The following CTNNA3 variants were observed in gnomAD, a reference collection of about 807,000 sequenced individuals.
CTNNA3 encodes catenin alpha 3.
A neutral mutation model predicts 95.7 loss-of-function variants in CTNNA3; 76 were observed. The ratio of observed to expected loss-of-function variants is 0.79; its 90% CI spans 0.66 to 0.96. CTNNA3 has a LOEUF of 0.96. CTNNA3 is among the 40% of genes least tolerant of loss of function. The pLI, the probability that CTNNA3 is intolerant of heterozygous loss-of-function variation, is 0.00. For synonymous variants in CTNNA3, 431 were observed against 374.4 expected (o/e 1.15, Z -1.74); for missense variants, 1,191 against 1,089.8 (o/e 1.09, Z -1.31).
intron 6 of CTNNA3, among the ~76,000 whole-genome samples, chr10:67,209,053 G>A (rs1463979036): frequency 6.6e-6 from 1 of 151,852 alleles, no homozygotes; most frequent in Non-Finnish European, 1.5e-5. Context: ...TTTTGTTGTT[G>A]TTGTTGTTGT....
chr10:67,141,303 AT>A (rs57772222), intron 7 of CTNNA3, among the ~76,000 whole-genome samples: 8 of 151,110 alleles, frequency 5.3e-5, no homozygotes, highest in South Asian at 2.1e-4. Context: ...GCACTCTAAG[AT>A]TTTTTTTTTA....
In CTNNA3 at chr10:66,443,545, C is replaced by T. The variant is rs117773711; in HGVS notation, c.1532-64193G>A. ...CACTGCTGTTCTGCAGCCACCACGG[C>T]TGACACCCAGGCAAAAAGGGTCTGG... On this transcript the variant is annotated intron_variant, in intron 11 of 17. Coordinates refer to ENST00000433211, the MANE Select transcript of CTNNA3 (RefSeq NM_013266.4). Among the ~76,000 whole-genome samples, 1,986 of 152,288 alleles carry T rather than the reference C, an allele frequency of 0.013. 176 individuals carry two copies. In the East Asian group the frequency reaches 0.24, roughly 18 times the overall value.
chr10:66,613,944 T>C (rs1046807895), intron 10 of CTNNA3, among the ~76,000 whole-genome samples: 2 of 152,082 alleles, frequency 1.3e-5, no homozygotes, highest in Non-Finnish European at 2.9e-5. Flanking sequence ...TTCCCAAAGC[T>C]TGATACTTAG....
intron 13 of CTNNA3, among the ~76,000 whole-genome samples, chr10:66,147,589 G>C (rs1464531515): frequency 6.7e-6 from 1 of 148,262 alleles, no homozygotes; most frequent in African/African-American, 2.5e-5. Context: ...CCTTTTGAGG[G>C]ACACTCAGGT....
At chr10:67,738,773 G>A (rs535034835) in intron 1 of CTNNA3, among the ~76,000 whole-genome samples, 3 of 152,170 alleles carry the variant, frequency 2.0e-5, no homozygotes, top group Admixed American at 6.5e-5. Flanking sequence ...GAAAACCAAG[G>A]CACAAGAACT....
intron 12 of CTNNA3, among the ~76,000 whole-genome samples, chr10:66,359,310 T>C (rs1278749029): frequency 6.6e-6 from 1 of 152,164 alleles, no homozygotes; most frequent in Non-Finnish European, 1.5e-5. Flanking sequence ...TCTACTGTTT[T>C]CTTTTTTATT....
At chr10:66,946,232 G>A (rs1848267798) in intron 7 of CTNNA3, among the ~76,000 whole-genome samples, 1 of 152,034 alleles carries the variant, frequency 6.6e-6, no homozygotes, top group African/African-American at 2.4e-5. Context: ...AAAATAGAGA[G>A]GGAGAGAATT....
At chr10:66,529,492 A>G (rs1841392264) in intron 10 of CTNNA3, among the ~76,000 whole-genome samples, 1 of 151,478 alleles carries the variant, frequency 6.6e-6, no homozygotes, top group Non-Finnish European at 1.5e-5. Flanking sequence ...TGAAATGATA[A>G]AATGAACACA....
At chr10:66,007,572 A>T (rs2078912505) in intron 15 of CTNNA3, among the ~76,000 whole-genome samples, 2 of 152,186 alleles carry the variant, frequency 1.3e-5, no homozygotes. Context: ...TGCCTTAAAA[A>T]AATTTGTGCC....
chr10:66,759,431 C>T (rs1420836495), intron 9 of CTNNA3, among the ~76,000 whole-genome samples: 2 of 152,138 alleles, frequency 1.3e-5, no homozygotes, highest in East Asian at 1.9e-4. Flanking sequence ...CAATAAATCA[C>T]GTTGTTGTCC....
At chr10:66,994,773 G>C (rs371008483) in intron 7 of CTNNA3, among the ~76,000 whole-genome samples, 1 of 152,138 alleles carries the variant, frequency 6.6e-6, no homozygotes, top group Non-Finnish European at 1.5e-5. Context: ...GCAGGGCTTT[G>C]TATATCTAAT....
At chr10:66,069,978 T>C (rs993559855) in intron 14 of CTNNA3, among the ~76,000 whole-genome samples, 2 of 152,134 alleles carry the variant, frequency 1.3e-5, no homozygotes, top group Admixed American at 1.3e-4. Context: ...ACAATGATGC[T>C]TTTAGTTTGA....
At chr10:66,549,109 C>A (rs1250817352) in intron 10 of CTNNA3, among the ~76,000 whole-genome samples, 1 of 151,750 alleles carries the variant, frequency 6.6e-6, no homozygotes, top group Non-Finnish European at 1.5e-5. Flanking sequence ...CTACCTCAGC[C>A]TCCCAAGTAG....
intron 11 of CTNNA3, among the ~76,000 whole-genome samples, chr10:66,391,193 T>C (rs1234383465): frequency 1.3e-5 from 2 of 152,100 alleles, no homozygotes; most frequent in African/African-American, 4.8e-5. Context: ...TGACTTACTT[T>C]TGAAAATTAT....
At chr10:67,400,768 T>C (rs1844887092) in intron 5 of CTNNA3, among the ~76,000 whole-genome samples, 1 of 152,190 alleles carries the variant, frequency 6.6e-6, no homozygotes, top group African/African-American at 2.4e-5. Context: ...TTTAATGTCT[T>C]ACAGGATATT....
chr10:66,339,894 A>G (rs1349679610), intron 12 of CTNNA3, among the ~76,000 whole-genome samples: 1 of 151,778 alleles, frequency 6.6e-6, no homozygotes, highest in Non-Finnish European at 1.5e-5. Context: ...CCTGCTTCTA[A>G]TACCCATAAT....
intron 17 of CTNNA3, among the ~76,000 whole-genome samples, chr10:65,937,936 G>T (rs2077368778): frequency 6.6e-6 from 1 of 151,976 alleles, no homozygotes; most frequent in African/African-American, 2.4e-5. Flanking sequence ...ATCAAAACAG[G>T]TTCAGATGGA....
At chr10:66,731,867 CCTGAGCT>C (rs1267090863) in intron 9 of CTNNA3, among the ~76,000 whole-genome samples, 2 of 152,140 alleles carry the variant, frequency 1.3e-5, no homozygotes, top group East Asian at 1.9e-4. Flanking sequence ...ATGAATAGCT[CCTGAGCT>C]CTGAGCTTTC....
chr10:66,824,726 C>T (rs1189844087), intron 7 of CTNNA3, among the ~76,000 whole-genome samples: 1 of 152,062 alleles, frequency 6.6e-6, no homozygotes, highest in Non-Finnish European at 1.5e-5. Context: ...AAATACCTAA[C>T]CAGTACTCTT....
Sources: gnomAD v4.1 joint callset for allele counts (sites outside exome capture counted in the v4.1 genomes callset) on GRCh38, gnomAD v4.1.1 for gene constraint, MANE v1.5 for transcripts, NCBI Gene and HGNC (gene_info 2026-07-23, HGNC 2026-07-21) for gene names.